The following RFX8 variants were observed in gnomAD, a reference collection of about 807,000 sequenced individuals.
RFX8 encodes regulatory factor X8.
In RFX8, 46 loss-of-function variants were observed where a neutral mutation model predicts 54.6. The ratio of observed to expected loss-of-function variants is 0.84; its 90% confidence interval spans 0.67 to 1.08. The LOEUF (loss-of-function observed/expected upper bound fraction) is 1.08, where lower values mean the gene tolerates loss of function less well. Ranked by LOEUF, RFX8 falls within the 50% of genes least tolerant of loss-of-function variation. The pLI is 0.00. For missense variants in RFX8, 536 were observed against 562.3 expected, an observed-to-expected ratio of 0.95 and a Z score of 0.47; for synonymous variants, 192 against 209.5, an observed-to-expected ratio of 0.92 and a Z score of 0.72.
chr2:101,469,054 AC>A (rs1558896413), intron 1 of RFX8, among the ~76,000 whole-genome samples: 27 of 29,662 alleles, frequency 9.1e-4, no homozygotes, highest in South Asian at 7.1e-3. Flanking sequence ...ATATATATAT[AC>A]GTATATATAT....
intron 6 of RFX8, 104 bp from the exon 7 acceptor site, chr2:101,415,016 C>G: frequency 1.2e-6 from 1 of 866,750 alleles, no homozygotes; most frequent in Non-Finnish European, 1.8e-6. Context: ...GCACAGCTGG[C>G]TAAACTGCAA....
chr2:101,409,990 C>T lies in RFX8; in HGVS notation c.813+629G>A, dbSNP rs533028263. Among the ~76,000 whole-genome samples, 4 of 152,252 alleles carry T rather than the reference C, an allele frequency of 2.6e-5. No homozygotes were observed. The East Asian group carries it at 7.7e-4, about 29-fold the overall frequency. ...ATTGGTCGAAAGGATCAAACCTGCC[C>T]ATATCGACAACGAAACCATCTTTGG... is the stretch of plus-strand genomic sequence containing the variant. On this transcript the variant is annotated intron_variant, in intron 9 of 11. Transcript: ENST00000428343.
Position 101,428,061 on chromosome 2 carries a change from AG to A in RFX8, c.73-5590del, listed in dbSNP as rs35285328. Among the ~76,000 whole-genome samples the A allele has an allele frequency of 3.7e-4, 56 of 151,618 alleles. 2 individuals carry two copies. Among genetic ancestry groups the A allele is most frequent in the Admixed American group, 1.1e-3 (17 of 15,266 alleles). ...GTAATCCCAGCATTTTGGGAGGCCAAGGGGGGCAGATCTCTTGGGGTCAGGA... is the reference window on the plus strand; with the variant it reads ...GTAATCCCAGCATTTTGGGAGGCCAAGGGGGCAGATCTCTTGGGGTCAGGA... On this transcript the variant is annotated intron_variant, in intron 2 of 11. Transcript: ENST00000428343.
At chr2:101,409,612 G>C (rs1013452249) in intron 9 of RFX8, among the ~76,000 whole-genome samples, 1 of 152,118 alleles carries the variant, frequency 6.6e-6, no homozygotes, top group African/African-American at 2.4e-5. Context: ...CGATTCTCCT[G>C]CCTCAACCTC....
chr2:101,465,736 A>C (rs1045880016), intron 2 of RFX8, among the ~76,000 whole-genome samples: 3 of 152,198 alleles, frequency 2.0e-5, no homozygotes, highest in South Asian at 2.1e-4. Flanking sequence ...AAAAATACTT[A>C]AGGTTGTTTC....
At chr2:101,459,348 T>C (rs1462677790) in intron 2 of RFX8, among the ~76,000 whole-genome samples, 1 of 152,206 alleles carries the variant, frequency 6.6e-6, no homozygotes, top group Non-Finnish European at 1.5e-5. Flanking sequence ...ATCTTTGTGA[T>C]TTTATCTACC....
At chr2:101,463,572 C>A (rs969664970) in intron 2 of RFX8, among the ~76,000 whole-genome samples, 48 of 152,216 alleles carry the variant, frequency 3.2e-4, no homozygotes, top group African/African-American at 1.1e-3. Flanking sequence ...TCAGCCACAG[C>A]AGCCCTGGGA....
intron 1 of RFX8, among the ~76,000 whole-genome samples, chr2:101,468,605 TTTC>T (rs1168481585): frequency 6.6e-6 from 1 of 151,898 alleles, no homozygotes; most frequent in African/African-American, 2.4e-5. Flanking sequence ...CTCTGTGAAT[TTTC>T]TTATCAACAT....
At chr2:101,469,093 A>AC (rs1558896874) in intron 1 of RFX8, among the ~76,000 whole-genome samples, 7 of 15,310 alleles carry the variant, frequency 4.6e-4, no homozygotes, top group Admixed American at 1.0e-3. Flanking sequence ...TATATATATA[A>AC]GTATATATAT....
intron 2 of RFX8, among the ~76,000 whole-genome samples, chr2:101,450,012 T>C (rs760227664): frequency 6.6e-6 from 1 of 152,044 alleles, no homozygotes; most frequent in Admixed American, 6.5e-5. Flanking sequence ...CTTTGGCAAC[T>C]GGATGACACT....
intron 2 of RFX8, among the ~76,000 whole-genome samples, chr2:101,465,574 A>G (rs2148993309): frequency 6.6e-6 from 1 of 152,312 alleles, no homozygotes; most frequent in South Asian, 2.1e-4. Context: ...ATACAATAGG[A>G]ATAAGAGAAT....
intron 2 of RFX8, among the ~76,000 whole-genome samples, chr2:101,438,634 T>C (rs889656904): frequency 1.3e-5 from 2 of 152,198 alleles, no homozygotes; most frequent in East Asian, 3.8e-4. Flanking sequence ...AAATTGTATG[T>C]TTGGTTTAAT....
chr2:101,428,951 C>G (rs1687336840), intron 2 of RFX8: 1 of 1,511,224 alleles, frequency 6.6e-7, no homozygotes, highest in African/African-American at 1.4e-5. Context: ...TTGATTAACA[C>G]TCACTGTTGC....
At chr2:101,400,917 C>G (rs146064129) in intron 11 of RFX8, among the ~76,000 whole-genome samples, 309 of 152,168 alleles carry the variant, frequency 2.0e-3, no homozygotes, top group African/African-American at 7.2e-3. Flanking sequence ...GCCAAGCCAT[C>G]GCCTCTTCAG....
chr2:101,448,736 T>A (rs1333918183), intron 2 of RFX8, among the ~76,000 whole-genome samples: 1 of 152,246 alleles, frequency 6.6e-6, no homozygotes, highest in East Asian at 1.9e-4. Flanking sequence ...GGATGCTTTA[T>A]ACCAAAGGTG....
intron 6 of RFX8, among the ~76,000 whole-genome samples, chr2:101,416,172 G>T (rs1370721395): frequency 6.6e-6 from 1 of 152,110 alleles, no homozygotes; most frequent in Non-Finnish European, 1.5e-5. Flanking sequence ...ATGATCACTG[G>T]GGGTGGAGGG....
chr2:101,451,725 G>A (rs1011205160), intron 2 of RFX8, among the ~76,000 whole-genome samples: 3 of 149,848 alleles, frequency 2.0e-5, no homozygotes, highest in Admixed American at 1.3e-4. Flanking sequence ...ATATAGCCTC[G>A]GGACCGCACC....
Position 101,413,095 on chromosome 2 carries a change from T to TA in RFX8, c.562-25dup. ...GTCTAAAGATAACAGGGAGGCATAATACTTAATTCAATCTGGTCATTTTAT... is the reference window on the plus strand; with the variant it reads ...GTCTAAAGATAACAGGGAGGCATAATAACTTAATTCAATCTGGTCATTTTAT... On this transcript the variant is annotated intron_variant, in intron 7 of 11. Transcript: ENST00000428343. 2.6e-6 allele frequency: 4 copies of TA among 1,538,194 alleles called. No individual in the cohort carries two copies. The South Asian group carries it at 4.9e-5, about 19-fold the overall frequency.
chr2:101,428,063 G>GC (rs1553454563), intron 2 of RFX8, among the ~76,000 whole-genome samples: 1 of 147,674 alleles, frequency 6.8e-6, no homozygotes, highest in Admixed American at 6.7e-5. Flanking sequence ...GGAGGCCAAG[G>GC]GGGGCAGATC....
Sources: gnomAD v4.1 joint callset for allele counts (sites outside exome capture counted in the v4.1 genomes callset) on GRCh38, gnomAD v4.1.1 for gene constraint, MANE v1.5 for transcripts, NCBI Gene and HGNC (gene_info 2026-07-23, HGNC 2026-07-21) for gene names.